Variants in MTPAP observed in about 807,000 individuals in gnomAD.
MTPAP encodes mitochondrial poly(A) polymerase.
A neutral mutation model predicts 48.7 loss-of-function variants in MTPAP; 23 were observed. The ratio of observed to expected loss-of-function variants is 0.47; its 90% CI spans 0.34 to 0.67. The LOEUF is 0.67. Among genes scored for constraint, MTPAP ranks in the 30% least tolerant of loss-of-function variants. The pLI is 0.01. For synonymous variants in MTPAP, 257 were observed against 254.1 expected (o/e 1.01, Z -0.11); for missense variants, 614 against 694.3 (o/e 0.88, Z 1.30).
At position 30,322,562 on chromosome 10, in the gene MTPAP, C is replaced by T. The variant is rs746275980; in HGVS notation, c.1048G>A (p.Val350Met). ...CGTACACTGAACACCAAGGCTCTCA[C>T]TCTTGAGTCTAGGGCACCATATATA... ...LYIYGALDSR[V>M]RALVFSVRCW... The change falls in exon 6 of 9, where the codon GTG (valine) becomes ATG (methionine). Residue 350 changes from valine to methionine, a missense_variant. This residue lies in a region of MTPAP where 261 missense variants were observed against 355.4 expected (regional missense o/e 0.73). Coordinates refer to ENST00000263063, the MANE Select transcript of MTPAP (RefSeq NM_018109.4). The T allele has an allele frequency of 1.2e-6, 2 of 1,614,062 alleles. No individual in the cohort carries two copies. The highest frequency in any genetic ancestry group is 3.3e-5 in the Admixed American group (2 of 60,000).
At position 30,322,519 on chromosome 10, in the gene MTPAP, T is replaced by A. The variant is rs1052671033; in HGVS notation, c.1091A>T (p.His364Leu). Residue 364 changes from histidine to leucine, a missense_variant, in exon 6 of 9, where the codon CAT becomes CTT. Physicochemically the swap from His to Leu is moderately conservative, Grantham distance 99. Coordinates refer to ENST00000263063, the MANE Select transcript of MTPAP (RefSeq NM_018109.4). ...VFSVRCWARA[H>L]SLTSSIPGAW... ...ACCAGGAATACTACTTGTTAGTGAA[T>A]GTGCTCGAGCCCAGCACCGTACACT... is the stretch of plus-strand genomic sequence containing the variant. 2.5e-6 allele frequency: 4 copies of A among 1,614,010 alleles called. No homozygotes were observed. Among genetic ancestry groups the A allele is most frequent in the Non-Finnish European group, 3.4e-6 (4 of 1,179,876 alleles).
chr10:30,334,051 A>T (rs1324934210), intron 4 of MTPAP, among the ~76,000 whole-genome samples: 1 of 152,190 alleles, frequency 6.6e-6, no homozygotes, highest in Non-Finnish European at 1.5e-5. Context: ...AACAGACATG[A>T]TTCCTATCTG....
chr10:30,340,851 G>A (rs1971586), intron 2 of MTPAP, among the ~76,000 whole-genome samples: 61,247 of 151,774 alleles, frequency 0.4, 15,324 homozygotes, highest in Middle Eastern at 0.56. Context: ...CCCAAGAGAC[G>A]GAGGTTGCAA....
intron 1 of MTPAP, 29 bp downstream of exon 1, chr10:30,349,090 G>T: frequency 6.2e-7 from 1 of 1,613,506 alleles, no homozygotes; most frequent in East Asian, 2.2e-5. Context: ...GCTGTGGGAC[G>T]GAACTACAGG....
chr10:30,342,467 G>T (rs1047452684), intron 1 of MTPAP, among the ~76,000 whole-genome samples: 3 of 148,988 alleles, frequency 2.0e-5, no homozygotes, highest in African/African-American at 7.4e-5. Flanking sequence ...ACTCTCCCAT[G>T]ACTACTATTA....
At chr10:30,326,752 A>C (rs1834603053) in intron 4 of MTPAP, 117 bp from the exon 5 acceptor site, 1 of 772,554 alleles carries the variant, frequency 1.3e-6, no homozygotes. Context: ...AATAAGAAAA[A>C]AACAACCCAC....
At chr10:30,316,362 C>A in intron 6 of MTPAP, 152 bp from the exon 7 acceptor site, 1 of 678,684 alleles carries the variant, frequency 1.5e-6, no homozygotes, top group South Asian at 1.7e-5. Context: ...CCTGCCTCAG[C>A]CTCCCGGGTA....
chr10:30,336,168 A>G (rs1166632302), intron 4 of MTPAP, among the ~76,000 whole-genome samples: 1 of 152,210 alleles, frequency 6.6e-6, no homozygotes, highest in Non-Finnish European at 1.5e-5. Flanking sequence ...ACTGCTATTT[A>G]TAAGAGATAC....
chr10:30,319,115 T>C (rs1170688419), intron 6 of MTPAP, among the ~76,000 whole-genome samples: 1 of 151,510 alleles, frequency 6.6e-6, no homozygotes, highest in East Asian at 1.9e-4. Flanking sequence ...CATGGAGCAA[T>C]GAAAAAAAGC....
intron 8 of MTPAP, among the ~76,000 whole-genome samples, chr10:30,314,329 G>GA (rs1030160027): frequency 9.2e-4 from 139 of 151,584 alleles, no homozygotes; most frequent in Non-Finnish European, 1.7e-3. Flanking sequence ...GCATGAAAGG[G>GA]AAAAAAATGA....
At chr10:30,320,917 T>A (rs1840717547) in intron 6 of MTPAP, among the ~76,000 whole-genome samples, 1 of 152,192 alleles carries the variant, frequency 6.6e-6, no homozygotes, top group Non-Finnish European at 1.5e-5. Flanking sequence ...AGAGTAGCAT[T>A]AAGCACCACT....
At position 30,332,552 on chromosome 10, in the gene MTPAP, C is replaced by T. The variant is rs189029338; in HGVS notation, c.780+4251G>A. 1.1e-3 allele frequency among the ~76,000 whole-genome samples: 165 copies of T among 152,250 alleles called. 2 individuals are homozygous for T. The highest frequency in any genetic ancestry group is 3.8e-3 in the African/African-American group (159 of 41,548). ...CAAGTGATCCACCCGACTTGGCCTC[C>T]CAAAGTGGTAGGATTACAGGCTTGA... On this transcript the variant is annotated intron_variant, in intron 4 of 8. Transcript: ENST00000263063.
chr10:30,340,241 A>C lies in MTPAP; in HGVS notation c.540T>G (p.Leu180=). The C allele has an allele frequency of 6.2e-7, 1 of 1,613,506 alleles. No homozygotes were observed. The highest frequency in any genetic ancestry group is 8.5e-7 in the Non-Finnish European group (1 of 1,179,386). Residue 180 remains leucine (L), a synonymous_variant, in exon 3 of 9, where the codon CTT becomes CTG. Transcript: ENST00000263063. ...PRSNKQLFEL[L]CYAESIDDQL... is the part of the protein sequence containing the mutation. Reference sequence around the variant, plus strand: ...AAAAACTTACACTTTCTGCATAACAAAGTAATTCAAAAAGCTGCTTGTTTG... The same window carrying C: ...AAAAACTTACACTTTCTGCATAACACAGTAATTCAAAAAGCTGCTTGTTTG...
intron 1 of MTPAP, chr10:30,348,889 A>G (rs909489185): frequency 1.0e-5 from 6 of 602,760 alleles, no homozygotes; most frequent in Non-Finnish European, 1.7e-5. Context: ...CAACTCCATT[A>G]CTGTACACAG....
chr10:30,322,597 T>C lies in MTPAP; in HGVS notation c.1013A>G (p.Glu338Gly). 1 of 1,612,962 alleles carries C rather than the reference T, an allele frequency of 6.2e-7. No homozygotes were observed. The highest frequency in any genetic ancestry group is 8.5e-7 in the Non-Finnish European group (1 of 1,179,204). ...TNNRIALTSS[E>G]LLYIYGALDS... Reference sequence around the variant, plus strand: ...TAGGGCACCATATATATAAAGGAGTTCGGAACTTGTCAAGGCAATCCTTCA... The same window carrying C: ...TAGGGCACCATATATATAAAGGAGTCCGGAACTTGTCAAGGCAATCCTTCA... The change falls in exon 6 of 9, where the codon GAA becomes GGA. Residue 338 changes from glutamate (E) to glycine (G), a missense_variant. Physicochemically the swap from Glu to Gly is moderately conservative, Grantham distance 98. Coordinates refer to ENST00000263063, the MANE Select transcript of MTPAP (RefSeq NM_018109.4).
intron 6 of MTPAP, among the ~76,000 whole-genome samples, chr10:30,318,221 T>G (rs16931381): frequency 0.054 from 8,275 of 152,210 alleles, 713 homozygotes; most frequent in African/African-American, 0.19. Flanking sequence ...TATAAATTTA[T>G]CTCCCATTTT....
rs201549204 is a variant in MTPAP at position 30,340,196 on chromosome 10, C to T, written c.555+30G>A. On this transcript the variant is annotated intron_variant, in intron 3 of 8. Transcript: ENST00000263063. The stretch of plus-strand genomic sequence containing the variant: ...ATTGTTCATAAAAAAATACATAGTT[C>T]TAAAAGTTGAGGTACACCTAAAAAC... 82 of 1,529,290 alleles carry T rather than the reference C, an allele frequency of 5.4e-5. No homozygotes were observed. In the African/African-American group the frequency reaches 7.9e-4, roughly 15 times the overall value. The allele number at this position is 1,529,290 out of a possible 1,614,324, so 94.7% of individuals were successfully genotyped here. A position where few individuals can be genotyped will look rare whatever the true frequency, so the allele number is the denominator to read the frequency against.
rs1390565736 is a variant in MTPAP, at chr10:30,336,799, T to G, written c.780+4A>C. ...ATTATAGTGGTCAAAAGAAATAGAC[T>G]TACCTTGTGAGCGCTGAGGTTTCTG... On this transcript the variant is annotated splice_donor_region_variant and intron_variant, in intron 4 of 8. Transcript: ENST00000263063. 1 of 1,591,140 alleles carries G rather than the reference T, an allele frequency of 6.3e-7. No individual in the cohort carries two copies. The highest frequency in any genetic ancestry group is 8.6e-7 in the Non-Finnish European group (1 of 1,160,888).
intron 1 of MTPAP, 145 bp from the exon 2 acceptor site, chr10:30,341,785 A>G (rs1834810704): frequency 4.7e-6 from 4 of 853,404 alleles, no homozygotes; most frequent in Non-Finnish European, 7.6e-6. Context: ...GGGTTAAACT[A>G]TACTACAGTA....
Sources: gnomAD v4.1 joint callset for allele counts (sites outside exome capture counted in the v4.1 genomes callset) on GRCh38, gnomAD v4.1.1 for gene constraint, gnomAD v4.1.1 regional missense constraint, MANE v1.5 for transcripts, NCBI Gene and HGNC (gene_info 2026-07-23, HGNC 2026-07-21) for gene names.